The following CDH18 variants were observed in gnomAD, a reference collection of about 807,000 sequenced individuals.
CDH18 encodes the protein cadherin 18.
A neutral mutation model predicts 67.9 loss-of-function variants in CDH18; 31 were observed. The ratio of observed to expected loss-of-function variants is 0.46; its 90% CI spans 0.34 to 0.62. The LOEUF is 0.62. Ranked by LOEUF, CDH18 falls within the 20% of genes least tolerant of loss-of-function variation. CDH18 has a pLI of 0.01. For synonymous variants in CDH18, 362 were observed against 347.2 expected, an observed-to-expected ratio of 1.04 and a Z score of -0.48; for missense variants, 890 against 975.5, an observed-to-expected ratio of 0.91 and a Z score of 1.17.
At position 19,733,046 on chromosome 5, in the gene CDH18, C is replaced by T. The variant is rs190916481; in HGVS notation, c.524-11580G>A. ...GAGTAGCTAATATCGGTCATGATCC[C>T]TATTCTAACAGCAGTTAGATGCACC... On this transcript the variant is annotated intron_variant, in intron 4 of 12. Transcript: ENST00000382275. 3.5e-3 allele frequency among the ~76,000 whole-genome samples: 540 copies of T among 152,172 alleles called. 13 individuals carry two copies. Among genetic ancestry groups the T allele is most frequent in the Non-Finnish European group, 5.9e-4 (40 of 68,006 alleles).
chr5:19,799,537 T>C (rs1177011091), intron 3 of CDH18, among the ~76,000 whole-genome samples: 1 of 151,950 alleles, frequency 6.6e-6, no homozygotes, highest in Non-Finnish European at 1.5e-5. Context: ...CTGTTGATTG[T>C]GGTGATGTCA....
intron 2 of CDH18, among the ~76,000 whole-genome samples, chr5:19,947,640 G>A (rs907511341): frequency 2.6e-4 from 39 of 147,288 alleles, no homozygotes; most frequent in African/African-American, 9.4e-4. Context: ...GCCTGCGCCT[G>A]CACTCCCAGC....
chr5:20,299,437 C>CAT (rs1227655189), intron 1 of CDH18, among the ~76,000 whole-genome samples: 5 of 145,108 alleles, frequency 3.4e-5, no homozygotes, highest in African/African-American at 1.4e-4. Context: ...CACACACACA[C>CAT]ACACACACAC....
chr5:19,998,507 G>A (rs1185763300), intron 2 of CDH18, among the ~76,000 whole-genome samples: 1 of 152,086 alleles, frequency 6.6e-6, no homozygotes, highest in Non-Finnish European at 1.5e-5. Flanking sequence ...AGGACCATTA[G>A]ATATCAACAA....
At chr5:19,657,263 TG>T (rs1411778807) in intron 5 of CDH18, among the ~76,000 whole-genome samples, 1 of 152,100 alleles carries the variant, frequency 6.6e-6, no homozygotes, top group Non-Finnish European at 1.5e-5. Context: ...AATAAAAACT[TG>T]TGATTAAAAA....
chr5:19,915,778 T>G (rs1369312016), intron 2 of CDH18, among the ~76,000 whole-genome samples: 2 of 152,020 alleles, frequency 1.3e-5, no homozygotes, highest in Non-Finnish European at 2.9e-5. Context: ...AATTTTCTTT[T>G]ATGTTTTGTT....
intron 9 of CDH18, among the ~76,000 whole-genome samples, chr5:19,530,955 C>A (rs1748515135): frequency 6.6e-6 from 1 of 152,096 alleles, no homozygotes; most frequent in Non-Finnish European, 1.5e-5. Flanking sequence ...TGTGCTGCAC[C>A]CACTGTCCTG....
chr5:20,209,569 G>A (rs1254903038), intron 2 of CDH18, among the ~76,000 whole-genome samples: 1 of 150,452 alleles, frequency 6.6e-6, no homozygotes, highest in Non-Finnish European at 1.5e-5. Context: ...TCAGTTGTTA[G>A]GTTAACATGG....
At chr5:20,498,793 T>C (rs945693902) in intron 1 of CDH18, among the ~76,000 whole-genome samples, 1 of 152,088 alleles carries the variant, frequency 6.6e-6, no homozygotes, top group Non-Finnish European at 1.5e-5. Context: ...AAATATTTAA[T>C]TTTGTTAATA....
intron 1 of CDH18, among the ~76,000 whole-genome samples, chr5:20,569,718 C>A (rs1305849583): frequency 6.6e-6 from 1 of 152,162 alleles, no homozygotes. Flanking sequence ...ACACAAAAGA[C>A]TGAACATTAA....
chr5:20,397,111 T>C (rs570989309), intron 1 of CDH18, among the ~76,000 whole-genome samples: 1 of 152,116 alleles, frequency 6.6e-6, no homozygotes, highest in Non-Finnish European at 1.5e-5. Flanking sequence ...ACATGTTTTT[T>C]GTTTTTGTTT....
chr5:20,414,038 A>G (rs1006550370), intron 1 of CDH18, among the ~76,000 whole-genome samples: 4 of 152,274 alleles, frequency 2.6e-5, no homozygotes, highest in Middle Eastern at 3.4e-3. Context: ...AATTTCAAAA[A>G]ACAACATATG....
intron 1 of CDH18, among the ~76,000 whole-genome samples, chr5:20,530,272 GA>G (rs1022240683): frequency 1.4e-4 from 21 of 152,002 alleles, no homozygotes; most frequent in African/African-American, 5.1e-4. Flanking sequence ...TATGCTAAAA[GA>G]TAGGAAGAAT....
At chr5:19,734,844 T>C (rs1156489796) in intron 4 of CDH18, among the ~76,000 whole-genome samples, 1 of 152,196 alleles carries the variant, frequency 6.6e-6, no homozygotes, top group Non-Finnish European at 1.5e-5. Flanking sequence ...TGGTGTATGG[T>C]CTCTGACATG....
chr5:20,013,046 A>G (rs1737592000), intron 2 of CDH18, among the ~76,000 whole-genome samples: 1 of 152,122 alleles, frequency 6.6e-6, no homozygotes, highest in Non-Finnish European at 1.5e-5. Flanking sequence ...CACATCCTGC[A>G]CATGTACTGG....
chr5:19,787,809 T>TTATATATA (rs35850823), intron 3 of CDH18, among the ~76,000 whole-genome samples: 1,499 of 144,376 alleles, frequency 0.01, 35 homozygotes, highest in African/African-American at 0.036. Context: ...TAATTTACAG[T>TTATATATA]TATATATATA....
rs760777430 is a variant in CDH18, at chr5:19,994,855, T to TATATATATATATAGAGAGAG, written c.-517-2842_-517-2841insCTCTCTCTATATATATATAT. Among the ~76,000 whole-genome samples, 6 of 67,586 alleles carry TATATATATATATAGAGAGAG rather than the reference T, an allele frequency of 8.9e-5. 1 individual carries two copies. Among genetic ancestry groups the TATATATATATATAGAGAGAG allele is most frequent in the African/African-American group, 2.9e-4 (4 of 13,586 alleles). 44.3% of individuals were successfully genotyped at this position (67,586 alleles called of 152,430 possible). A position where few individuals can be genotyped will look rare whatever the true frequency, so the allele number is the denominator to read the frequency against. On this transcript the variant is annotated intron_variant, in intron 2 of 14. Coordinates refer to the CDH18 transcript ENST00000507958. ...ATATATATATATATATATATATATA[T>TATATATATATATAGAGAGAG]AGAGAGAGAGAGAGAGAGAGAGATG...
chr5:19,733,044 C>T (rs2150649384), intron 4 of CDH18, among the ~76,000 whole-genome samples: 1 of 152,188 alleles, frequency 6.6e-6, no homozygotes, highest in Middle Eastern at 3.4e-3. Flanking sequence ...CGGTCATGAT[C>T]CCTATTCTAA....
At chr5:19,993,076 T>C (rs1046383855), upstream of CDH18, among the ~76,000 whole-genome samples, 25 of 152,106 alleles carry the variant, frequency 1.6e-4, no homozygotes, top group Admixed American at 1.6e-3. Context: ...CATGAAGAAA[T>C]TGTCCCTTAA....
Sources: allele counts gnomAD v4.1 joint callset (sites outside exome capture counted in the v4.1 genomes callset), GRCh38; gene constraint gnomAD v4.1.1; transcripts MANE v1.5; gene names NCBI Gene and HGNC (gene_info 2026-07-23, HGNC 2026-07-21).